Variants in PEAK1 observed in about 807,000 individuals in gnomAD.
The protein encoded by PEAK1 is inactive tyrosine-protein kinase PEAK1.
PEAK1 carries 54 observed loss-of-function variants against 124.7 expected under a neutral mutation model. The ratio of observed to expected loss-of-function variants is 0.43; its 90% CI spans 0.35 to 0.54. PEAK1 has a LOEUF of 0.54. PEAK1 is among the 20% of genes least tolerant of loss of function. The pLI is 0.01. For missense variants in PEAK1, 2,046 were observed against 2,134.5 expected, an observed-to-expected ratio of 0.96 and a Z score of 0.82; for synonymous variants, 719 against 760.0, an observed-to-expected ratio of 0.95 and a Z score of 0.89.
At chr15:77,403,788 C>T in intron 1 of PEAK1, 4 of 979,094 alleles carry the variant, frequency 4.1e-6, no homozygotes, top group Non-Finnish European at 4.9e-6. Context: ...TGACCACAAA[C>T]TCAATTTAAA....
chr15:77,419,692 CA>C, intron 1 of PEAK1: 1 of 984,498 alleles, frequency 1.0e-6, no homozygotes, highest in Non-Finnish European at 1.2e-6. Context: ...CGGCAGGTCC[CA>C]ACTTTCCTTC....
chr15:77,114,192 G>A lies in PEAK1; in HGVS notation c.5205C>T (p.Ser1735=), dbSNP rs2051149984. ...GCAGAATTTTCACAATACAACTGAGGGAGTCTGTAGTGGCAAAAGCCAAAT... is the reference window on the plus strand; with the variant it reads ...GCAGAATTTTCACAATACAACTGAGAGAGTCTGTAGTGGCAAAAGCCAAAT... ...AQYLAFATTD[S]LSCIVKILQH... Residue 1735 remains serine, a synonymous_variant, in exon 10 of 10, where the codon TCC becomes TCT. Transcript: ENST00000682557. The A allele has an allele frequency of 6.2e-7, 1 of 1,614,174 alleles. No individual in the cohort carries two copies. Among genetic ancestry groups the A allele is most frequent in the Non-Finnish European group, 8.5e-7 (1 of 1,180,034 alleles).
At chr15:77,239,241 T>A (rs999493545) in intron 6 of PEAK1, among the ~76,000 whole-genome samples, 56 of 152,198 alleles carry the variant, frequency 3.7e-4, no homozygotes, top group African/African-American at 1.4e-3. Flanking sequence ...TAAAATATGA[T>A]CTCATAATAG....
chr15:77,381,435 AT>A (rs2069472925), intron 1 of PEAK1: 1 of 942,248 alleles, frequency 1.1e-6, no homozygotes, highest in African/African-American at 1.8e-5. Context: ...CTTAAAAAAA[AT>A]AATTTTTTCT....
At chr15:77,317,281 C>A (rs113315224) in intron 2 of PEAK1, among the ~76,000 whole-genome samples, 7 of 151,926 alleles carry the variant, frequency 4.6e-5, no homozygotes, top group African/African-American at 1.7e-4. Flanking sequence ...ATTAAGTATG[C>A]ATTATTTTTA....
intron 9 of PEAK1, among the ~76,000 whole-genome samples, chr15:77,117,341 A>G (rs1197878468): frequency 6.6e-6 from 1 of 152,216 alleles, no homozygotes; most frequent in Non-Finnish European, 1.5e-5. Context: ...CTCCCTATTA[A>G]AGGAGACAAT....
intron 6 of PEAK1, among the ~76,000 whole-genome samples, chr15:77,240,127 C>A (rs941717858): frequency 2.0e-5 from 3 of 152,152 alleles, no homozygotes; most frequent in African/African-American, 4.8e-5. Context: ...CACAGTGATG[C>A]CCATTTGCTG....
At chr15:77,152,849 A>G (rs1456998115) in intron 8 of PEAK1, among the ~76,000 whole-genome samples, 2 of 152,252 alleles carry the variant, frequency 1.3e-5, no homozygotes, top group African/African-American at 4.8e-5. Context: ...CCACTTGATC[A>G]TGGTGGATAA....
chr15:77,200,814 T>C lies in PEAK1; in HGVS notation c.-114-18774A>G, dbSNP rs570772070. Reference sequence around the variant, plus strand: ...AGGTGATTGTTTCATGTTTGAAAGATCTTCCATTAGGGTCAAACGTGCTTC... The same window carrying C: ...AGGTGATTGTTTCATGTTTGAAAGACCTTCCATTAGGGTCAAACGTGCTTC... On this transcript the variant is annotated intron_variant, in intron 6 of 9. Coordinates refer to ENST00000682557, the MANE Select transcript of PEAK1 (RefSeq NM_001385026.1). Among the ~76,000 whole-genome samples the C allele has an allele frequency of 3.9e-5, 6 of 152,224 alleles. No individual in the cohort carries two copies. In the South Asian group the frequency reaches 1.2e-3, roughly 32 times the overall value.
chr15:77,155,247 A>G, intron 8 of PEAK1: 1 of 151,840 alleles, frequency 6.6e-6, no homozygotes. Flanking sequence ...ATCTTCCATC[A>G]CTGATACCCT....
At chr15:77,266,386 C>T (rs898150854) in intron 5 of PEAK1, among the ~76,000 whole-genome samples, 9 of 152,104 alleles carry the variant, frequency 5.9e-5, no homozygotes, top group Non-Finnish European at 1.2e-4. Flanking sequence ...ACTCCCAACT[C>T]GGCCCAGAAC....
At chr15:77,415,182 A>G (rs1026961391) in intron 1 of PEAK1, among the ~76,000 whole-genome samples, 4 of 152,194 alleles carry the variant, frequency 2.6e-5, no homozygotes, top group African/African-American at 9.7e-5. Context: ...GAGGTCTACA[A>G]TCTGAAATAA....
At chr15:77,176,399 G>A (rs1484175009) in intron 7 of PEAK1, among the ~76,000 whole-genome samples, 1 of 151,746 alleles carries the variant, frequency 6.6e-6, no homozygotes, top group Non-Finnish European at 1.5e-5. Context: ...ATGGTGGTGA[G>A]ACCAGCAGTT....
chr15:77,350,186 G>A, intron 2 of PEAK1: 1 of 985,350 alleles, frequency 1.0e-6, no homozygotes, highest in African/African-American at 1.7e-5. Context: ...ACTACTAACT[G>A]GCAACACTGT....
chr15:77,283,578 TAA>T (rs1406104766), intron 5 of PEAK1, among the ~76,000 whole-genome samples: 1 of 152,020 alleles, frequency 6.6e-6, no homozygotes, highest in African/African-American at 2.4e-5. Flanking sequence ...AAAGTGGAAA[TAA>T]AAAAGAAAAC....
intron 2 of PEAK1, among the ~76,000 whole-genome samples, chr15:77,361,083 C>T (rs1353852686): frequency 6.6e-6 from 1 of 152,040 alleles, no homozygotes; most frequent in African/African-American, 2.4e-5. Flanking sequence ...GAAAAGATAG[C>T]CTGTAGAATG....
chr15:77,391,114 G>A (rs2070413357), intron 1 of PEAK1, among the ~76,000 whole-genome samples: 1 of 152,150 alleles, frequency 6.6e-6, no homozygotes, highest in South Asian at 2.1e-4. Flanking sequence ...AAGCTGGGCA[G>A]TAAGAATCTT....
rs1313261728 is a variant in PEAK1 at position 77,133,781 on chromosome 15, AGAGT to A, written c.3332-35_3332-32del. ...TTGTTTTTAAAGCAATAAAAAGAAA[AGAGT>A]AAGTAAAGTTTTCAATCTAATTTTA... On this transcript the variant is annotated intron_variant, in intron 8 of 9. Coordinates refer to ENST00000682557, the MANE Select transcript of PEAK1 (RefSeq NM_001385026.1). This position sits in a 1 kb window ranked among gnomAD's most constrained non-coding sequence, Gnocchi z 4.2. 6.6e-7 allele frequency: 1 copy of A among 1,514,660 alleles called. No individual in the cohort carries two copies. The highest frequency in any genetic ancestry group is 2.3e-5 in the Admixed American group (1 of 43,254). 93.8% of individuals were successfully genotyped at this position (1,514,660 alleles called of 1,614,324 possible).
In PEAK1 at chr15:77,100,911, T is replaced by C. The variant is rs565490679; in HGVS notation, c.*13245A>G. 2.0e-5 allele frequency: 3 copies of C among 152,302 alleles called. No individual in the cohort carries two copies. The South Asian group carries it at 6.2e-4, about 32-fold the overall frequency. The allele number at this position is 152,302 out of a possible 1,614,324, so 9.4% of individuals were successfully genotyped here. A position where few individuals can be genotyped will look rare whatever the true frequency, so the allele number is the denominator to read the frequency against. ...CTGAAGCATTTATTATGCAAGGCAGTGTCATGAGGGGAGCTGAAATGAGGG... is the reference window on the plus strand; with the variant it reads ...CTGAAGCATTTATTATGCAAGGCAGCGTCATGAGGGGAGCTGAAATGAGGG... On this transcript the variant is annotated 3_prime_UTR_variant, in exon 7 of 7. Coordinates refer to the PEAK1 transcript ENST00000560626.
Sources: allele counts gnomAD v4.1 joint callset (sites outside exome capture counted in the v4.1 genomes callset), GRCh38; gene constraint gnomAD v4.1.1; non-coding constraint Gnocchi (gnomAD v3.1); transcripts MANE v1.5; gene names NCBI Gene and HGNC (gene_info 2026-07-23, HGNC 2026-07-21).